Variants in DTNB observed in about 807,000 individuals in gnomAD.
DTNB encodes the protein DTN-B.
A neutral mutation model predicts 90.7 loss-of-function variants in DTNB; 63 were observed. That is an observed-to-expected ratio of 0.69 (90% CI 0.57 to 0.86). The LOEUF is 0.86. Among genes scored for constraint, DTNB ranks in the 40% least tolerant of loss-of-function variants. The probability of loss-of-function intolerance (pLI) is 0.00; values close to 1 mark genes in which losing one functional copy is unlikely to be tolerated. For synonymous variants in DTNB, 277 were observed against 286.7 expected (o/e 0.97, Z 0.34); for missense variants, 744 against 807.1 (o/e 0.92, Z 0.95).
intron 8 of DTNB, among the ~76,000 whole-genome samples, chr2:25,543,108 A>G (rs541957650): frequency 4.6e-5 from 7 of 152,192 alleles, no homozygotes; most frequent in African/African-American, 9.7e-5. Context: ...TACAAAGTCT[A>G]AAGTTTACCA....
intron 7 of DTNB, among the ~76,000 whole-genome samples, chr2:25,577,752 T>C (rs1202097783): frequency 6.6e-6 from 1 of 151,964 alleles, no homozygotes; most frequent in Non-Finnish European, 1.5e-5. Context: ...CCTGTAATCC[T>C]AGCACTTTGG....
At chr2:25,580,634 A>G (rs2148196881) in intron 7 of DTNB, 87 bp downstream of exon 7, 1 of 1,226,346 alleles carries the variant, frequency 8.2e-7, no homozygotes, top group East Asian at 2.4e-5. Context: ...GTAATTTTCA[A>G]TGATATTAAT....
intron 16 of DTNB, among the ~76,000 whole-genome samples, chr2:25,403,912 G>A (rs1423748005): frequency 1.3e-5 from 2 of 152,150 alleles, no homozygotes; most frequent in African/African-American, 2.4e-5. Flanking sequence ...GAGTACAGGC[G>A]TGTGCCACTG....
At chr2:25,466,287 A>G (rs2061766531) in intron 10 of DTNB, among the ~76,000 whole-genome samples, 1 of 152,228 alleles carries the variant, frequency 6.6e-6, no homozygotes, top group Admixed American at 6.5e-5. Context: ...GTGAGGCGAG[A>G]TTGTGCCACT....
At chr2:25,650,955 C>G (rs35888846) in intron 2 of DTNB, among the ~76,000 whole-genome samples, 41,276 of 150,590 alleles carry the variant, frequency 0.27, 6,431 homozygotes, top group Non-Finnish European at 0.37. Flanking sequence ...AGTGAGACTC[C>G]CTCTCAAAAA....
At chr2:25,433,466 T>C (rs2054623578) in intron 13 of DTNB, among the ~76,000 whole-genome samples, 1 of 151,798 alleles carries the variant, frequency 6.6e-6, no homozygotes, top group Non-Finnish European at 1.5e-5. Flanking sequence ...TCCTGGCTTC[T>C]ACCTTTCAGT....
chr2:25,557,911 A>T (rs898541590), intron 8 of DTNB, among the ~76,000 whole-genome samples: 2 of 152,258 alleles, frequency 1.3e-5, no homozygotes, highest in African/African-American at 4.8e-5. Flanking sequence ...ACTTCAAGAC[A>T]GAAATGTCCA....
At chr2:25,609,368 G>C (rs2067908478) in intron 4 of DTNB, among the ~76,000 whole-genome samples, 1 of 152,144 alleles carries the variant, frequency 6.6e-6, no homozygotes, top group African/African-American at 2.4e-5. Context: ...GGAGGCCGAG[G>C]CAGGCAGATC....
At chr2:25,454,002 T>C (rs1247317239) in intron 11 of DTNB, among the ~76,000 whole-genome samples, 3 of 152,106 alleles carry the variant, frequency 2.0e-5, no homozygotes, top group African/African-American at 7.2e-5. Flanking sequence ...ACAAAAAAAT[T>C]AGCTGGGTGT....
At chr2:25,565,274 C>T (rs1559049210) in intron 8 of DTNB, among the ~76,000 whole-genome samples, 1 of 152,114 alleles carries the variant, frequency 6.6e-6, no homozygotes, top group African/African-American at 2.4e-5. Context: ...CTCACTCTGT[C>T]ACCCAGGCTG....
intron 3 of DTNB, among the ~76,000 whole-genome samples, chr2:25,634,903 CG>C (rs35064131): frequency 1.3e-5 from 1 of 79,364 alleles, no homozygotes; most frequent in Non-Finnish European, 3.1e-5. Flanking sequence ...TCAAGTACCC[CG>C]GGACACAAAC....
chr2:25,545,484 T>C (rs1471059490), intron 8 of DTNB, among the ~76,000 whole-genome samples: 1 of 152,198 alleles, frequency 6.6e-6, no homozygotes, highest in African/African-American at 2.4e-5. Flanking sequence ...TTTTTTGTCT[T>C]CTTCTGGCAG....
chr2:25,419,471 G>T, intron 16 of DTNB, 44 bp downstream of exon 16: 1 of 1,555,246 alleles, frequency 6.4e-7, no homozygotes, highest in East Asian at 2.4e-5. Context: ...GGAAGAACGT[G>T]CAAAGGAGCG....
At chr2:25,593,464 T>C (rs1299650971) in intron 6 of DTNB, among the ~76,000 whole-genome samples, 1 of 152,258 alleles carries the variant, frequency 6.6e-6, no homozygotes, top group East Asian at 1.9e-4. Context: ...TCTTGGTCAA[T>C]ATATCAGTAT....
At chr2:25,411,479 C>T (rs1365634693) in intron 16 of DTNB, among the ~76,000 whole-genome samples, 5 of 152,086 alleles carry the variant, frequency 3.3e-5, no homozygotes, top group African/African-American at 1.2e-4. Flanking sequence ...GGTGCCAAGA[C>T]CGATGAATAC....
intron 1 of DTNB, among the ~76,000 whole-genome samples, chr2:25,658,379 C>T (rs943816366): frequency 1.3e-5 from 2 of 152,120 alleles, no homozygotes; most frequent in Non-Finnish European, 2.9e-5. Context: ...TCTTATAAAG[C>T]TAATCAGTCT....
intron 9 of DTNB, among the ~76,000 whole-genome samples, chr2:25,505,948 T>C (rs2072300722): frequency 6.6e-6 from 1 of 152,250 alleles, no homozygotes; most frequent in African/African-American, 2.4e-5. Flanking sequence ...CAATGTGGTA[T>C]ACTACTTGGT....
chr2:25,516,101 C>T (rs1031207179), intron 9 of DTNB, among the ~76,000 whole-genome samples: 3 of 152,054 alleles, frequency 2.0e-5, no homozygotes, highest in Non-Finnish European at 1.5e-5. Context: ...TAGGGAAATA[C>T]GAATTAAAAC....
Position 25,490,934 on chromosome 2 carries a change from T to C in DTNB, c.1002-8061A>G, listed in dbSNP as rs77717537. 1.1e-3 allele frequency among the ~76,000 whole-genome samples: 174 copies of C among 152,122 alleles called. 1 individual carries two copies. In the East Asian group the frequency reaches 0.014, roughly 12 times the overall value. On this transcript the variant is annotated intron_variant, in intron 9 of 20. Transcript: ENST00000406818. ...CATCTGGAGGCAATATGGTCAAATG[T>C]TAAGATAAGTGGAATTATGGGAATT...
Sources: allele counts gnomAD v4.1 joint callset (sites outside exome capture counted in the v4.1 genomes callset), GRCh38; gene constraint gnomAD v4.1.1; transcripts MANE v1.5; gene names NCBI Gene and HGNC (gene_info 2026-07-23, HGNC 2026-07-21).